CELF4: variants seen among roughly 807,000 people sequenced by gnomAD.
The protein encoded by CELF4 is CUG-BP- and ETR-3-like factor 4.
A neutral mutation model predicts 59.9 loss-of-function variants in CELF4; 18 were observed. The observed-to-expected ratio is 0.30, with a 90% CI of 0.21 to 0.45. The LOEUF (loss-of-function observed/expected upper bound fraction) is 0.45, where lower values mean the gene tolerates loss of function less well. Among genes scored for constraint, CELF4 ranks in the 20% least tolerant of loss-of-function variants. The probability of loss-of-function intolerance (pLI) is 1.00; values close to 1 mark genes in which losing one functional copy is unlikely to be tolerated. For missense variants in CELF4, 456 were observed against 689.0 expected, an observed-to-expected ratio of 0.66 and a Z score of 3.79; for synonymous variants, 261 against 267.1, an observed-to-expected ratio of 0.98 and a Z score of 0.22.
chr18:37,380,522 A>T (rs572965290), intron 2 of CELF4, among the ~76,000 whole-genome samples: 1 of 152,072 alleles, frequency 6.6e-6, no homozygotes, highest in South Asian at 2.1e-4. Flanking sequence ...TCCATCCACC[A>T]TTCATCATCC....
chr18:37,469,871 C>T (rs1229160620), intron 2 of CELF4, among the ~76,000 whole-genome samples: 1 of 152,142 alleles, frequency 6.6e-6, no homozygotes, highest in Non-Finnish European at 1.5e-5. Context: ...GCACGCAAAC[C>T]AACAGCAAAG....
chr18:37,395,802 G>T (rs1284673746), intron 2 of CELF4, among the ~76,000 whole-genome samples: 1 of 152,182 alleles, frequency 6.6e-6, no homozygotes, highest in Non-Finnish European at 1.5e-5. Context: ...CCCCCACATG[G>T]CAGCCAGAGG....
At chr18:37,362,738 C>T (rs1182300610) in intron 2 of CELF4, among the ~76,000 whole-genome samples, 3 of 152,198 alleles carry the variant, frequency 2.0e-5, no homozygotes, top group Admixed American at 6.5e-5. Flanking sequence ...TGTGGCCTTT[C>T]TCTCCCTCTC....
intron 3 of CELF4, among the ~76,000 whole-genome samples, chr18:37,318,499 A>G (rs2096950225): frequency 6.6e-6 from 1 of 151,262 alleles, no homozygotes; most frequent in African/African-American, 2.4e-5. Flanking sequence ...CTATTAAATT[A>G]TTTTAAACTA....
intron 2 of CELF4, among the ~76,000 whole-genome samples, chr18:37,335,482 AGTGTGTGTGT>A (rs55853220): frequency 3.5e-5 from 5 of 144,200 alleles, no homozygotes; most frequent in South Asian, 2.3e-4. Flanking sequence ...CAGTGCATGC[AGTGTGTGTGT>A]GTGTGTGTGT....
chr18:37,321,236 C>T (rs2097106545), intron 3 of CELF4, among the ~76,000 whole-genome samples: 1 of 152,176 alleles, frequency 6.6e-6, no homozygotes, highest in East Asian at 1.9e-4. Context: ...CGGCCAGTCT[C>T]CAGTGGGCTC....
In CELF4 at chr18:37,466,782, A is replaced by G. The variant is rs1232191647; in HGVS notation, c.369+18743T>C. On this transcript the variant is annotated intron_variant, in intron 2 of 12. Coordinates refer to ENST00000420428, the MANE Select transcript of CELF4 (RefSeq NM_020180.4). ...AAATTCTAGGCATGCAGGAGAGGGC[A>G]TCTTATCCAGCCTTATCCAGATTGG... Among the ~76,000 whole-genome samples, 6 of 152,294 alleles carry G rather than the reference A, an allele frequency of 3.9e-5. No homozygotes were observed. The East Asian group carries it at 9.7e-4, about 25-fold the overall frequency.
At chr18:37,285,852 T>C (rs1351508073) in intron 3 of CELF4, among the ~76,000 whole-genome samples, 1 of 152,140 alleles carries the variant, frequency 6.6e-6, no homozygotes, top group Non-Finnish European at 1.5e-5. Flanking sequence ...ACATTATCCT[T>C]ACCAGGCGCA....
chr18:37,491,713 C>T (rs1197902444), intron 1 of CELF4, among the ~76,000 whole-genome samples: 1 of 152,096 alleles, frequency 6.6e-6, no homozygotes. Context: ...GCGTGGGCAG[C>T]GGGAGGGTGC....
At chr18:37,324,622 C>T (rs755307696) in intron 2 of CELF4, among the ~76,000 whole-genome samples, 38 of 152,120 alleles carry the variant, frequency 2.5e-4, no homozygotes, top group Non-Finnish European at 4.7e-4. Flanking sequence ...CTGGTTGGTA[C>T]CCCATTGGGA....
chr18:37,256,658 T>C (rs1029833507), intron 11 of CELF4, among the ~76,000 whole-genome samples: 1 of 151,644 alleles, frequency 6.6e-6, no homozygotes, highest in Non-Finnish European at 1.5e-5. Flanking sequence ...TGATCTCGGC[T>C]AACAGCAACC....
intron 2 of CELF4, among the ~76,000 whole-genome samples, chr18:37,464,398 TGCCTA>T (rs987520301): frequency 5.9e-5 from 9 of 152,186 alleles, no homozygotes; most frequent in African/African-American, 2.2e-4. Context: ...CTCCCATCGA[TGCCTA>T]GCCTCTCCCC....
chr18:37,527,758 C>T (rs1450951606), intron 1 of CELF4, among the ~76,000 whole-genome samples: 1 of 152,204 alleles, frequency 6.6e-6, no homozygotes, highest in African/African-American at 2.4e-5. Flanking sequence ...GCATTTTCCT[C>T]CTTTTTCCAC....
chr18:37,379,368 C>T (rs183969688), intron 2 of CELF4, among the ~76,000 whole-genome samples: 61 of 152,118 alleles, frequency 4.0e-4, no homozygotes, highest in African/African-American at 1.4e-3. Context: ...TTTTTTCTCT[C>T]TTACCTCATT....
chr18:37,339,580 C>T (rs988822258), intron 2 of CELF4, among the ~76,000 whole-genome samples: 2 of 152,000 alleles, frequency 1.3e-5, no homozygotes, highest in South Asian at 4.2e-4. Flanking sequence ...ATAGTGAAAC[C>T]CCATCTCTAC....
At chr18:37,535,962 A>G (rs1365023266) in intron 1 of CELF4, among the ~76,000 whole-genome samples, 2 of 152,158 alleles carry the variant, frequency 1.3e-5, no homozygotes, top group Non-Finnish European at 2.9e-5. Flanking sequence ...TTTGGGGAAC[A>G]TCCATCTCCC....
intron 10 of CELF4, among the ~76,000 whole-genome samples, chr18:37,261,799 G>A (rs991033195): frequency 6.6e-6 from 1 of 152,224 alleles, no homozygotes; most frequent in Non-Finnish European, 1.5e-5. Context: ...GGGAATTCAG[G>A]CATCTGTCTG....
chr18:37,315,251 T>C (rs1260632307), intron 3 of CELF4, among the ~76,000 whole-genome samples: 7 of 151,760 alleles, frequency 4.6e-5, no homozygotes, highest in Admixed American at 4.6e-4. Flanking sequence ...GGCCACTGGG[T>C]AGAAAGAGAC....
intron 1 of CELF4, among the ~76,000 whole-genome samples, chr18:37,550,256 C>G (rs1352105680): frequency 6.6e-6 from 1 of 152,124 alleles, no homozygotes; most frequent in East Asian, 1.9e-4. Flanking sequence ...GCCCCTGTGT[C>G]TGCTGATTAG....
Sources: allele counts gnomAD v4.1 joint callset (sites outside exome capture counted in the v4.1 genomes callset), GRCh38; gene constraint gnomAD v4.1.1; transcripts MANE v1.5; gene names NCBI Gene and HGNC (gene_info 2026-07-23, HGNC 2026-07-21).